LILRA2: variants seen among roughly 807,000 people sequenced by gnomAD.
The protein encoded by LILRA2 is leukocyte immunoglobulin like receptor A2.
A neutral mutation model predicts 47.9 loss-of-function variants in LILRA2; 45 were observed. That is an observed-to-expected ratio of 0.94 (90% CI 0.74 to 1.20). The LOEUF (loss-of-function observed/expected upper bound fraction) is 1.20, where lower values mean the gene tolerates loss of function less well. LILRA2 is among the 50% of genes most tolerant of loss of function. The probability of loss-of-function intolerance (pLI) is 0.00; values close to 1 mark genes in which losing one functional copy is unlikely to be tolerated. For missense variants in LILRA2, 651 were observed against 598.2 expected (o/e 1.09, Z -0.92); for synonymous variants, 279 against 249.2 (o/e 1.12, Z -1.13).
At position 54,574,637 on chromosome 19, in the gene LILRA2, G is replaced by A. The variant is rs45547738; in HGVS notation, c.352+55G>A. The stretch of plus-strand genomic sequence containing the variant: ...AGGCTCTGCCCTCAGGAAGGGGGTC[G>A]GCTCTCAGGGGCATCTCCGCTCTCA... On this transcript the variant is annotated intron_variant, in intron 3 of 7. Coordinates refer to ENST00000391738, the MANE Select transcript of LILRA2 (RefSeq NM_001130917.3). 8,754 of 1,547,590 alleles carry A rather than the reference G, an allele frequency of 5.7e-3. 38 individuals are homozygous for A. Among genetic ancestry groups the A allele is most frequent in the Non-Finnish European group, 6.9e-3 (7,793 of 1,125,362 alleles).
chr19:54,587,283 C>A lies in LILRA2; in HGVS notation c.1389C>A (p.Leu463=), dbSNP rs141416279. The A allele has an allele frequency of 6.2e-7, 1 of 1,614,054 alleles. No homozygotes were observed. The highest frequency in any genetic ancestry group is 2.2e-5 in the East Asian group (1 of 44,874). Residue 463 remains leucine (L), a synonymous_variant, in exon 8 of 8, where the codon CTC becomes CTA. Transcript: ENST00000391738. ...TGGCTGGCTTGGTCCTGGTGGTCCT[C>A]GGGATTCTGCTATTTGAGGCTCAGC... is the stretch of plus-strand genomic sequence containing the variant. ...MGVAGLVLVV[L]GILLFEAQHS... is the part of the protein sequence containing the mutation.
Position 54,575,414 on chromosome 19 carries a change from C to G in LILRA2, c.814C>G (p.Gln272Glu). Residue 272 changes from glutamine (Q) to glutamate (E), a missense_variant, in exon 5 of 8, where the codon CAG becomes GAG. By Grantham distance (29) the Gln-to-Glu change is conservative. Transcript: ENST00000391738. ...CCTCCAGCGCCCTGGTTGGCAGCCC[C>G]AGGCTGGGCTCTCCCAGGCCAACTT... ...DFLQRPGWQP[Q>E]AGLSQANFTL... 1 of 1,612,518 alleles carries G rather than the reference C, an allele frequency of 6.2e-7. No homozygotes were observed. The highest frequency in any genetic ancestry group is 1.1e-5 in the South Asian group (1 of 90,086).
In LILRA2 at chr19:54,574,887, C is replaced by T. The variant is rs1600197255; in HGVS notation, c.509C>T (p.Ser170Phe). ...CACCCACAACGCCTGAACTCCCATT[C>T]CCATGCCCGTGGGTGGTCCTGGGCC... ...DEHPQRLNSH[S>F]HARGWSWAIF... The change falls in exon 4 of 8, where the codon TCC becomes TTC. Residue 170 changes from serine to phenylalanine, a missense_variant. Ser to Phe is a radical substitution (Grantham distance 155, BLOSUM62 -2). Coordinates refer to ENST00000391738, the MANE Select transcript of LILRA2 (RefSeq NM_001130917.3). 1 of 1,614,162 alleles carries T rather than the reference C, an allele frequency of 6.2e-7. No homozygotes were observed. The highest frequency in any genetic ancestry group is 2.2e-5 in the East Asian group (1 of 44,886).
chr19:54,585,439 C>T (rs2062770702), intron 6 of LILRA2, among the ~76,000 whole-genome samples: 1 of 152,254 alleles, frequency 6.6e-6, no homozygotes, highest in Non-Finnish European at 1.5e-5. Flanking sequence ...GTGGGCTCCA[C>T]CCAGTTCGTG....
chr19:54,576,891 T>G (rs1432484578), intron 6 of LILRA2, among the ~76,000 whole-genome samples: 1 of 152,282 alleles, frequency 6.6e-6, no homozygotes, highest in Admixed American at 6.5e-5. Context: ...CCTTGCACCC[T>G]GGACTCCTCA....
At chr19:54,574,229 G>A in intron 2 of LILRA2, 72 bp from the exon 3 acceptor site, 1 of 1,613,926 alleles carries the variant, frequency 6.2e-7, no homozygotes, top group Non-Finnish European at 8.5e-7. Flanking sequence ...GTGTCTGGAG[G>A]GTCCTGCAGC....
At chr19:54,576,607 G>T (rs993157906) in intron 6 of LILRA2, among the ~76,000 whole-genome samples, 14 of 152,292 alleles carry the variant, frequency 9.2e-5, no homozygotes, top group Non-Finnish European at 1.9e-4. Context: ...GCTTCCTGGG[G>T]CTTCAGGGAT....
chr19:54,576,259 G>A lies in LILRA2; in HGVS notation c.1255+150G>A, dbSNP rs192124943. 592 of 793,378 alleles carry A rather than the reference G, an allele frequency of 7.5e-4. 1 individual carries two copies. In the African/African-American group the frequency reaches 9.2e-3, roughly 12 times the overall value. 49.1% of individuals were successfully genotyped at this position (793,378 alleles called of 1,614,324 possible). A position where few individuals can be genotyped will look rare whatever the true frequency, so the allele number is the denominator to read the frequency against. ...CCCATGGGAGAGTGGAAATAGGCAG[G>A]GACCTCCCACCCCTGGCTCCCACCC... is the stretch of plus-strand genomic sequence containing the variant. On this transcript the variant is annotated intron_variant, in intron 6 of 7. Coordinates refer to ENST00000391738, the MANE Select transcript of LILRA2 (RefSeq NM_001130917.3).
intron 6 of LILRA2, among the ~76,000 whole-genome samples, chr19:54,579,835 A>T (rs1464770931): frequency 6.6e-6 from 1 of 152,110 alleles, no homozygotes; most frequent in African/African-American, 2.4e-5. Flanking sequence ...ATCCTTTGTT[A>T]GTTGGATTCC....
chr19:54,587,214 A>G lies in LILRA2; in HGVS notation c.1320A>G (p.Gln440=), dbSNP rs953417356. The G allele has an allele frequency of 1.2e-6, 2 of 1,613,846 alleles. No individual in the cohort carries two copies. The highest frequency in any genetic ancestry group is 1.1e-5 in the South Asian group (1 of 91,058). Residue 440 remains glutamine (Q), a synonymous_variant, in exon 8 of 8, where the codon CAA becomes CAG. Coordinates refer to ENST00000391738, the MANE Select transcript of LILRA2 (RefSeq NM_001130917.3). Reference sequence around the variant, plus strand: ...CTCTTTGTCCAGCATCCCTAGGCCAACACCCCCAGGATTACACAGTGGAGA... The same window carrying G: ...CTCTTTGTCCAGCATCCCTAGGCCAGCACCCCCAGGATTACACAGTGGAGA... The part of the protein sequence containing the change: ...KTDSTTTSLG[Q]HPQDYTVENL...
upstream of LILRA2, chr19:54,573,689 C>T: frequency 2.2e-6 from 3 of 1,370,984 alleles, no homozygotes; most frequent in Non-Finnish European, 3.0e-6. Flanking sequence ...GTGCCTGCCC[C>T]CACCTCAGCC....
At chr19:54,581,542 G>A (rs1005497972) in intron 6 of LILRA2, among the ~76,000 whole-genome samples, 3 of 146,510 alleles carry the variant, frequency 2.0e-5, no homozygotes, top group African/African-American at 5.2e-5. Context: ...TGAGGGCTCT[G>A]TTCTGTTCCA....
At position 54,587,544 on chromosome 19, in the gene LILRA2, A is replaced by T. The variant is rs2062851974; in HGVS notation, c.*198A>T. The T allele has an allele frequency of 1.0e-6, 1 of 973,714 alleles. No individual in the cohort carries two copies. The highest frequency in any genetic ancestry group is 1.6e-5 in the African/African-American group (1 of 60,702). The allele number at this position is 973,714 out of a possible 1,614,324, so 60.3% of individuals were successfully genotyped here. On this transcript the variant is annotated 3_prime_UTR_variant, in exon 8 of 8. Coordinates refer to ENST00000391738, the MANE Select transcript of LILRA2 (RefSeq NM_001130917.3). Reference sequence around the variant, plus strand: ...CTAGAAGATCATTAAACTGTGGTACATTTTTTTGTCTATGAATGTTGACTT... The same window carrying T: ...CTAGAAGATCATTAAACTGTGGTACTTTTTTTTGTCTATGAATGTTGACTT...
chr19:54,587,444 A>G lies in LILRA2; in HGVS notation c.*98A>G. The G allele has an allele frequency of 1.3e-6, 2 of 1,548,886 alleles. No homozygotes were observed. Among genetic ancestry groups the G allele is most frequent in the Non-Finnish European group, 1.8e-6 (2 of 1,141,582 alleles). On this transcript the variant is annotated 3_prime_UTR_variant, in exon 8 of 8. Coordinates refer to ENST00000391738, the MANE Select transcript of LILRA2 (RefSeq NM_001130917.3). ...TGGAGGACAATCTAGGACCTACATT[A>G]TCTGGACTGTATGCTGGTCATTTCT...
Position 54,577,633 on chromosome 19 carries a change from C to G in LILRA2, c.1255+1524C>G, listed in dbSNP as rs111780736. 5.4e-6 allele frequency: 7 copies of G among 1,289,696 alleles called. No individual in the cohort carries two copies. In the South Asian group the frequency reaches 8.6e-5, roughly 16 times the overall value. The allele number at this position is 1,289,696 out of a possible 1,614,324, so 79.9% of individuals were successfully genotyped here. On this transcript the variant is annotated intron_variant, in intron 6 of 7. Coordinates refer to ENST00000391738, the MANE Select transcript of LILRA2 (RefSeq NM_001130917.3). ...ACCCCAGCTGTGGGTGCCGCTCACA[C>G]TGCCCCTCCTGTGCTCACCTGGAGG...
chr19:54,573,685 G>T, upstream of LILRA2: 2 of 764,892 alleles, frequency 2.6e-6, no homozygotes, highest in Non-Finnish European at 1.9e-6. Flanking sequence ...CCTGGTGCCT[G>T]CCCCCACCTC....
At chr19:54,583,611 T>G (rs1043808194) in intron 6 of LILRA2, among the ~76,000 whole-genome samples, 1 of 152,284 alleles carries the variant, frequency 6.6e-6, no homozygotes, top group Admixed American at 6.5e-5. Flanking sequence ...TTTTTTTTCT[T>G]TCCATTTGCT....
intron 1 of LILRA2, 37 bp downstream of exon 1, chr19:54,573,949 G>A (rs1235261749): frequency 1.9e-6 from 3 of 1,613,054 alleles, no homozygotes; most frequent in Admixed American, 1.7e-5. Flanking sequence ...TCTAACCTAG[G>A]AGGGACCTCA....
rs200605637 is a variant in LILRA2, at chr19:54,576,087, C to A, written c.1233C>A (p.Asp411Glu). The change falls in exon 6 of 8, where the codon GAC (aspartate) becomes GAA (glutamate). Residue 411 changes from aspartate to glutamate, a missense_variant. By Grantham distance (45) the Asp-to-Glu change is conservative. Transcript: ENST00000391738. ...CCTACCTGCTGTCTCTCCCCAGTGA[C>A]CCCCTGGAGCTCGTGGTCTCAGGTG... ...SNPYLLSLPSDPLELVVSEAA... is the reference protein window; with the variant it reads ...SNPYLLSLPSEPLELVVSEAA... 4 of 1,614,052 alleles carry A rather than the reference C, an allele frequency of 2.5e-6. No homozygotes were observed. Among genetic ancestry groups the A allele is most frequent in the South Asian group, 1.1e-5 (1 of 91,068 alleles).
Sources: allele counts gnomAD v4.1 joint callset (sites outside exome capture counted in the v4.1 genomes callset), GRCh38; gene constraint gnomAD v4.1.1; transcripts MANE v1.5; gene names NCBI Gene and HGNC (gene_info 2026-07-23, HGNC 2026-07-21).